MCF2L2: variants seen among roughly 807,000 people sequenced by gnomAD.
MCF2L2 encodes the protein MCF.2 cell line derived transforming sequence-like 2.
MCF2L2 carries 102 observed loss-of-function variants against 150.2 expected under a neutral mutation model. That is an observed-to-expected ratio of 0.68 (90% CI 0.58 to 0.80). MCF2L2 has a LOEUF of 0.80. MCF2L2 is among the 30% of genes least tolerant of loss of function. The probability of loss-of-function intolerance (pLI) is 0.00; values close to 1 mark genes in which losing one functional copy is unlikely to be tolerated. For synonymous variants in MCF2L2, 465 were observed against 491.3 expected (o/e 0.95, Z 0.71); for missense variants, 1,256 against 1,372.8 (o/e 0.91, Z 1.34).
chr3:183,305,649 G>C lies in MCF2L2; in HGVS notation c.1113+4067C>G, dbSNP rs1434497596. On this transcript the variant is annotated intron_variant, in intron 10 of 29. Transcript: ENST00000328913. The surrounding 1 kb of genome is among the most constrained non-coding windows in gnomAD (Gnocchi z 4.1). Reference sequence around the variant, plus strand: ...GCGGATCACAAGGTCAGGAGTTAGAGACCAGCCTGACCAACATGGTGAAAC... The same window carrying C: ...GCGGATCACAAGGTCAGGAGTTAGACACCAGCCTGACCAACATGGTGAAAC... Among the ~76,000 whole-genome samples the C allele has an allele frequency of 6.6e-6, 1 of 152,226 alleles. No homozygotes were observed. The highest frequency in any genetic ancestry group is 1.5e-5 in the Non-Finnish European group (1 of 68,030).
At chr3:183,377,422 A>G (rs891248195) in intron 3 of MCF2L2, 1 of 152,106 alleles carries the variant, frequency 6.6e-6, no homozygotes, top group African/African-American at 2.4e-5. Flanking sequence ...TAACCCCTTC[A>G]TCACCCTACA....
chr3:183,309,350 AG>A (rs1382315775), intron 10 of MCF2L2, among the ~76,000 whole-genome samples: 2 of 151,798 alleles, frequency 1.3e-5, no homozygotes, highest in Non-Finnish European at 2.9e-5. Flanking sequence ...TCCAGGCTCC[AG>A]GGAGGAGCTC....
At chr3:183,216,852 A>G (rs1384474596) in intron 21 of MCF2L2, among the ~76,000 whole-genome samples, 1 of 150,822 alleles carries the variant, frequency 6.6e-6, no homozygotes, top group Non-Finnish European at 1.5e-5. Context: ...TGATCCACCC[A>G]CCTTGGCCTC....
rs982489483 is a variant in MCF2L2, at chr3:183,289,359, T to A, written c.1676-139A>T. ...CACTTGAGCTGCTGCGTTGATTTCC[T>A]AGGGCTGGATGAAATTGGAGGTGAA... On this transcript the variant is annotated intron_variant, in intron 13 of 29. Transcript: ENST00000328913. 8 of 608,084 alleles carry A rather than the reference T, an allele frequency of 1.3e-5. No homozygotes were observed. The African/African-American group carries it at 1.5e-4, about 11-fold the overall frequency. The allele number at this position is 608,084 out of a possible 1,614,324, so 37.7% of individuals were successfully genotyped here. A position where few individuals can be genotyped will look rare whatever the true frequency, so the allele number is the denominator to read the frequency against.
intron 15 of MCF2L2, among the ~76,000 whole-genome samples, chr3:183,251,697 G>GT (rs897193008): frequency 1.3e-5 from 2 of 151,946 alleles, no homozygotes; most frequent in African/African-American, 4.8e-5. Flanking sequence ...CTTGATAAAA[G>GT]TAACTGAGCA....
At position 183,353,170 on chromosome 3, in the gene MCF2L2, C is replaced by A. The variant is rs564154668; in HGVS notation, c.276-11540G>T. On this transcript the variant is annotated intron_variant, in intron 3 of 29. Coordinates refer to ENST00000328913, the MANE Select transcript of MCF2L2 (RefSeq NM_015078.4). ...TAAAAAATTTAAAAATTAAAAAAAACCCAAAGCCTCTTAAGTGATTCATGA... is the reference window on the plus strand; with the variant it reads ...TAAAAAATTTAAAAATTAAAAAAAAACCAAAGCCTCTTAAGTGATTCATGA... 7.2e-3 allele frequency among the ~76,000 whole-genome samples: 1,100 copies of A among 152,146 alleles called. 7 individuals carry two copies. The highest frequency in any genetic ancestry group is 0.025 in the African/African-American group (1,026 of 41,500).
At chr3:183,390,629 T>C (rs1255813248) in intron 1 of MCF2L2, among the ~76,000 whole-genome samples, 2 of 152,324 alleles carry the variant, frequency 1.3e-5, no homozygotes, top group African/African-American at 4.8e-5. Context: ...CCAGGGAATC[T>C]TAAAGAATAA....
intron 3 of MCF2L2, chr3:183,379,011 G>A (rs1291663600): frequency 3.0e-6 from 1 of 338,112 alleles, no homozygotes; most frequent in Non-Finnish European, 5.3e-6. Flanking sequence ...AATAGCCTAA[G>A]GAACAAAGGC....
intron 27 of MCF2L2, among the ~76,000 whole-genome samples, chr3:183,186,162 C>T (rs1044234847): frequency 6.6e-6 from 1 of 152,082 alleles, no homozygotes; most frequent in Non-Finnish European, 1.5e-5. Flanking sequence ...TCAGTCAAAG[C>T]CTTGCCCATT....
chr3:183,181,202 T>C lies in MCF2L2; in HGVS notation c.3017-1043A>G, dbSNP rs1466676450. 3.9e-5 allele frequency among the ~76,000 whole-genome samples: 6 copies of C among 152,028 alleles called. No homozygotes were observed. The East Asian group carries it at 1.2e-3, about 30-fold the overall frequency. On this transcript the variant is annotated intron_variant, in intron 27 of 29. Transcript: ENST00000328913. This position sits in a 1 kb window ranked among gnomAD's most constrained non-coding sequence, Gnocchi z 4.3. ...GTGGAGGGAGCTGCAGTTATCTGGGTGAGCAGGCAGCACAAGTAGCGTCTC... is the reference window on the plus strand; with the variant it reads ...GTGGAGGGAGCTGCAGTTATCTGGGCGAGCAGGCAGCACAAGTAGCGTCTC...
intron 9 of MCF2L2, 82 bp downstream of exon 9, chr3:183,310,833 C>T (rs1164226947): frequency 3.4e-6 from 3 of 886,428 alleles, no homozygotes; most frequent in African/African-American, 3.4e-5. Flanking sequence ...GAGGGAAACC[C>T]CATACCAAAG....
At position 183,270,328 on chromosome 3, in the gene MCF2L2, G is replaced by A; in HGVS notation, c.1862+6544C>T. On this transcript the variant is annotated intron_variant, in intron 15 of 29. Transcript: ENST00000328913. This position sits in a 1 kb window ranked among gnomAD's most constrained non-coding sequence, Gnocchi z 4.5. ...ACTCTGAAATTACTTATGCAGTTCA[G>A]TTGGGCAAATACCTATTGTCCACAT... is the stretch of plus-strand genomic sequence containing the variant. 6.2e-7 allele frequency: 1 copy of A among 1,614,150 alleles called. No homozygotes were observed. The highest frequency in any genetic ancestry group is 8.5e-7 in the Non-Finnish European group (1 of 1,180,020).
chr3:183,292,197 T>C (rs1170177532), intron 13 of MCF2L2, among the ~76,000 whole-genome samples: 1 of 152,046 alleles, frequency 6.6e-6, no homozygotes, highest in African/African-American at 2.4e-5. Context: ...GGATCGTAAA[T>C]TGTACTAAAT....
rs1196827961 is a variant in MCF2L2, at chr3:183,179,709, G to C, written c.3106-17C>G. ...GCCCGCGAGCTGGAAGGGAGGGGAC[G>C]GGTGCACCCTCAGAGTTATTGCTGG... On this transcript the variant is annotated splice_polypyrimidine_tract_variant and intron_variant, in intron 28 of 29. Coordinates refer to ENST00000328913, the MANE Select transcript of MCF2L2 (RefSeq NM_015078.4). This position sits in a 1 kb window ranked among gnomAD's most constrained non-coding sequence, Gnocchi z 4.2. 6.3e-7 allele frequency: 1 copy of C among 1,597,600 alleles called. No individual in the cohort carries two copies. The highest frequency in any genetic ancestry group is 1.1e-5 in the South Asian group (1 of 90,704).
intron 2 of MCF2L2, among the ~76,000 whole-genome samples, chr3:183,379,959 G>A (rs1163483962): frequency 6.6e-6 from 1 of 151,888 alleles, no homozygotes; most frequent in Non-Finnish European, 1.5e-5. Context: ...TACATGGTAA[G>A]GTGAGGATTA....
chr3:183,420,951 C>CA (rs1715852618), intron 1 of MCF2L2, among the ~76,000 whole-genome samples: 1 of 152,200 alleles, frequency 6.6e-6, no homozygotes, highest in Non-Finnish European at 1.5e-5. Flanking sequence ...TAAACTATAT[C>CA]AGACAGTTTT....
intron 1 of MCF2L2, among the ~76,000 whole-genome samples, chr3:183,422,658 T>C (rs567295240): frequency 6.6e-6 from 1 of 152,158 alleles, no homozygotes; most frequent in Non-Finnish European, 1.5e-5. Context: ...CTATATCCCT[T>C]GACTAAAAGC....
intron 5 of MCF2L2, among the ~76,000 whole-genome samples, chr3:183,335,214 C>G (rs1730427818): frequency 6.6e-6 from 1 of 151,786 alleles, no homozygotes; most frequent in African/African-American, 2.4e-5. Flanking sequence ...ATCCACGACC[C>G]AATCCTAGAG....
chr3:183,186,981 G>A (rs992976866), intron 27 of MCF2L2, among the ~76,000 whole-genome samples: 1 of 152,158 alleles, frequency 6.6e-6, no homozygotes. Flanking sequence ...CATTCTACAT[G>A]TGTACTCCTT....
Sources: allele counts gnomAD v4.1 joint callset (sites outside exome capture counted in the v4.1 genomes callset), GRCh38; gene constraint gnomAD v4.1.1; non-coding constraint Gnocchi (gnomAD v3.1); transcripts MANE v1.5; gene names NCBI Gene and HGNC (gene_info 2026-07-23, HGNC 2026-07-21).